The following USP1 variants were observed in gnomAD, a reference collection of about 807,000 sequenced individuals.
USP1 encodes ubiquitin carboxyl-terminal hydrolase 1.
In USP1, 18 loss-of-function variants were observed where a neutral mutation model predicts 72.2. The observed-to-expected ratio is 0.25, with a 90% CI of 0.17 to 0.37. The LOEUF (loss-of-function observed/expected upper bound fraction) is 0.37. Among genes scored for constraint, USP1 ranks in the 10% least tolerant of loss-of-function variants. The probability of loss-of-function intolerance (pLI) is 1.00; values close to 1 mark genes in which losing one functional copy is unlikely to be tolerated. For synonymous variants in USP1, 354 were observed against 303.7 expected (o/e 1.17, Z -1.72); for missense variants, 759 against 884.9 (o/e 0.86, Z 1.81).
At chr1:62,450,224 T>C (rs750262374) in intron 8 of USP1, 22 bp from the exon 9 acceptor site, 1 of 1,583,410 alleles carries the variant, frequency 6.3e-7, no homozygotes, top group East Asian at 2.2e-5. Context: ...GCAGGAAACC[T>C]TTTCTTTTTT....
chr1:62,448,229 G>A (rs1165030752), intron 7 of USP1, among the ~76,000 whole-genome samples: 2 of 152,140 alleles, frequency 1.3e-5, no homozygotes, highest in East Asian at 1.9e-4. Context: ...AAACAGACTA[G>A]GCTTATTTTG....
Position 62,437,290 on chromosome 1 carries a change from G to A in USP1, c.-180G>A, listed in dbSNP as rs901942612. Reference sequence around the variant, plus strand: ...AGGGCGAGCCGACCAGATTTTCCTGGGGCCGGGGACCCGGCGGGCTCGGGG... The same window carrying A: ...AGGGCGAGCCGACCAGATTTTCCTGAGGCCGGGGACCCGGCGGGCTCGGGG... On this transcript the variant is annotated 5_prime_UTR_variant, in exon 1 of 9. Transcript: ENST00000339950. 1.8e-5 allele frequency: 7 copies of A among 397,322 alleles called. No homozygotes were observed. Among genetic ancestry groups the A allele is most frequent in the African/African-American group, 1.0e-4 (5 of 48,714 alleles). The allele number at this position is 397,322 out of a possible 1,614,324, so 24.6% of individuals were successfully genotyped here.
At chr1:62,437,739 G>A (rs1328085960) in intron 1 of USP1, among the ~76,000 whole-genome samples, 1 of 152,234 alleles carries the variant, frequency 6.6e-6, no homozygotes, top group African/African-American at 2.4e-5. Context: ...AGCGGTGAAG[G>A]ATGGGGAGAA....
rs148563880 is a variant in USP1 at position 62,441,512 on chromosome 1, G to A, written c.195G>A (p.Gln65=). 9.1e-5 allele frequency: 146 copies of A among 1,612,946 alleles called. 2 individuals carry two copies. The East Asian group carries it at 2.5e-3, about 28-fold the overall frequency. ...SEIDQVVPAA[Q]SSPINCEKRE... ...GTGATCAAGTTGTTCCTGCAGCACA[G>A]TCTTCACCTATAAACTGTGAGAAGA... The change falls in exon 3 of 9, where the codon CAG becomes CAA. Residue 65 remains glutamine, a synonymous_variant. Transcript: ENST00000339950.
In USP1 at chr1:62,440,102, A is replaced by G. The variant is rs980455495; in HGVS notation, c.170+65A>G. The G allele has an allele frequency of 2.2e-6, 3 of 1,337,954 alleles. No individual in the cohort carries two copies. In the Admixed American group the frequency reaches 8.8e-5, roughly 39 times the overall value. The allele number at this position is 1,337,954 out of a possible 1,614,324, so 82.9% of individuals were successfully genotyped here. On this transcript the variant is annotated intron_variant, in intron 2 of 8. Transcript: ENST00000339950. Reference sequence around the variant, plus strand: ...TAAAGCAGCAGTGAACTTGGTTGACAACTCCAGTCTGACTTGATAGTCTGT... The same window carrying G: ...TAAAGCAGCAGTGAACTTGGTTGACGACTCCAGTCTGACTTGATAGTCTGT...
rs1317991593 is a variant in USP1 at position 62,441,478 on chromosome 1, T to C, written c.171-10T>C. On this transcript the variant is annotated splice_polypyrimidine_tract_variant and intron_variant, in intron 2 of 8. Coordinates refer to ENST00000339950, the MANE Select transcript of USP1 (RefSeq NM_003368.5). ...TAACTACTTATCGTTCTCCCTTCTATATTTCATAGTGATCAAGTTGTTCCT... is the reference window on the plus strand; with the variant it reads ...TAACTACTTATCGTTCTCCCTTCTACATTTCATAGTGATCAAGTTGTTCCT... 6.3e-7 allele frequency: 1 copy of C among 1,591,126 alleles called. No individual in the cohort carries two copies. The highest frequency in any genetic ancestry group is 1.9e-5 in the Admixed American group (1 of 53,848).
At chr1:62,437,661 C>T (rs1305513120) in intron 1 of USP1, among the ~76,000 whole-genome samples, 2 of 152,220 alleles carry the variant, frequency 1.3e-5, no homozygotes, top group African/African-American at 2.4e-5. Flanking sequence ...GAGGACGCCG[C>T]CGCCAGCCTC....
Position 62,439,828 on chromosome 1 carries a change from TA to T in USP1, c.-37del. On this transcript the variant is annotated 5_prime_UTR_variant, in exon 2 of 9. Coordinates refer to ENST00000339950, the MANE Select transcript of USP1 (RefSeq NM_003368.5). Reference sequence around the variant, plus strand: ...AATTGGTGATTACAACTTTCCTCTATAAATTAACTCTTGACACTCCTTGGGA... The same window carrying T: ...AATTGGTGATTACAACTTTCCTCTATAATTAACTCTTGACACTCCTTGGGA... 1 of 1,339,196 alleles carries T rather than the reference TA, an allele frequency of 7.5e-7. No individual in the cohort carries two copies. Among genetic ancestry groups the T allele is most frequent in the Non-Finnish European group, 9.7e-7 (1 of 1,034,626 alleles). 83.0% of individuals were successfully genotyped at this position (1,339,196 alleles called of 1,614,324 possible).
chr1:62,443,748 G>A (rs186256529), intron 5 of USP1, among the ~76,000 whole-genome samples: 182 of 152,268 alleles, frequency 1.2e-3, no homozygotes, highest in African/African-American at 4.0e-3. Flanking sequence ...CAAAATATGT[G>A]TAAGAACTGT....
intron 3 of USP1, 36 bp downstream of exon 3, chr1:62,441,644 G>C: frequency 1.9e-6 from 3 of 1,590,668 alleles, no homozygotes; most frequent in Non-Finnish European, 2.6e-6. Context: ...TAAAGCTTTA[G>C]TAGGCAAAGA....
At chr1:62,446,958 G>A (rs533492643) in intron 6 of USP1, among the ~76,000 whole-genome samples, 69 of 152,192 alleles carry the variant, frequency 4.5e-4, no homozygotes, top group Non-Finnish European at 8.8e-5. Context: ...GTGATTACAG[G>A]CATGCACCAC....
chr1:62,448,323 T>C (rs1645190687), intron 7 of USP1, 142 bp from the exon 8 acceptor site: 1 of 789,334 alleles, frequency 1.3e-6, no homozygotes, highest in South Asian at 1.9e-5. Flanking sequence ...ATGAAAGTAG[T>C]TTCTGAAAGT....
Position 62,450,927 on chromosome 1 carries a change from C to T in USP1, c.2304C>T (p.Ser768=), listed in dbSNP as rs779787696. 18 of 1,612,230 alleles carry T rather than the reference C, an allele frequency of 1.1e-5. No individual in the cohort carries two copies. In the South Asian group the frequency reaches 1.7e-4, roughly 15 times the overall value. Residue 768 remains serine, a synonymous_variant, in exon 9 of 9, where the codon TCC becomes TCT. Transcript: ENST00000339950. The stretch of plus-strand genomic sequence containing the variant: ...AGAAGGACTTTCTGAATTCTCTTTC[C>T]CCTTCTACATCTCCTACTTCTACTC... The part of the protein sequence containing the change: ...TEEKDFLNSL[S]PSTSPTSTPY...
chr1:62,450,627 T>A lies in USP1; in HGVS notation c.2004T>A (p.Leu668=). 6.2e-7 allele frequency: 1 copy of A among 1,614,114 alleles called. No homozygotes were observed. Among genetic ancestry groups the A allele is most frequent in the Middle Eastern group, 1.7e-4 (1 of 6,058 alleles). Residue 668 remains leucine, a synonymous_variant, in exon 9 of 9, where the codon CTT becomes CTA. Coordinates refer to ENST00000339950, the MANE Select transcript of USP1 (RefSeq NM_003368.5). ...LNKKNVEAIG[L]LGGQKSKADY... The stretch of plus-strand genomic sequence containing the variant: ...AAAAAAATGTAGAAGCTATTGGACT[T>A]CTTGGAGGACAAAAGAGCAAAGCAG...
intron 2 of USP1, among the ~76,000 whole-genome samples, chr1:62,440,881 C>A (rs1645130035): frequency 6.6e-6 from 1 of 151,938 alleles, no homozygotes; most frequent in Non-Finnish European, 1.5e-5. Context: ...GAGATGGGGT[C>A]TCCTTGTGTT....
Position 62,443,145 on chromosome 1 carries a change from TTC to T in USP1, c.397-12_397-11del. ...TTCATAAAATTATTGGTTTGTGTGT[TTC>T]TTTCTTGACAGGGAAATTGCAAAGA... is the stretch of plus-strand genomic sequence containing the variant. On this transcript the variant is annotated splice_polypyrimidine_tract_variant and intron_variant, in intron 4 of 8. Coordinates refer to ENST00000339950, the MANE Select transcript of USP1 (RefSeq NM_003368.5). 6.2e-7 allele frequency: 1 copy of T among 1,605,580 alleles called. No homozygotes were observed. The highest frequency in any genetic ancestry group is 8.5e-7 in the Non-Finnish European group (1 of 1,177,042).
chr1:62,451,042 A>G lies in USP1; in HGVS notation c.*61A>G. On this transcript the variant is annotated 3_prime_UTR_variant, in exon 9 of 9. Transcript: ENST00000339950. ...ACCCATACAAACATTGGTAAAGTTG[A>G]TTACATCAAAGAATCTTTAGCTTAT... 6.9e-7 allele frequency: 1 copy of G among 1,439,744 alleles called. No individual in the cohort carries two copies. The highest frequency in any genetic ancestry group is 9.2e-7 in the Non-Finnish European group (1 of 1,083,892). The allele number at this position is 1,439,744 out of a possible 1,614,324, so 89.2% of individuals were successfully genotyped here.
At position 62,445,016 on chromosome 1, in the gene USP1, A is replaced by T. The variant is rs2149206170; in HGVS notation, c.836A>T (p.Asn279Ile). 6.2e-7 allele frequency: 1 copy of T among 1,613,258 alleles called. No homozygotes were observed. The highest frequency in any genetic ancestry group is 1.1e-5 in the South Asian group (1 of 90,920). ...AGAAAAAGTGACACTGAATTTGGTA[A>T]CATGAAGAAAAAAGTTAAATTATCC... The part of the protein sequence containing the change: ...GKRKSDTEFG[N>I]MKKKVKLSKE... Residue 279 changes from asparagine (N) to isoleucine (I), a missense_variant, in exon 6 of 9, where the codon AAC (asparagine) becomes ATC (isoleucine). Asn to Ile is a moderately radical substitution (Grantham distance 149). This residue lies in a region of USP1 where 245 missense variants were observed against 240.7 expected (regional missense o/e 1.02). Coordinates refer to ENST00000339950, the MANE Select transcript of USP1 (RefSeq NM_003368.5).
rs1645145012 is a variant in USP1 at position 62,443,143 on chromosome 1, GTTTC to G, written c.397-9_397-6del. The stretch of plus-strand genomic sequence containing the variant: ...TGTTCATAAAATTATTGGTTTGTGT[GTTTC>G]TTTCTTGACAGGGAAATTGCAAAGA... On this transcript the variant is annotated splice_polypyrimidine_tract_variant and intron_variant, in intron 4 of 8. Transcript: ENST00000339950. The G allele has an allele frequency of 1.2e-6, 2 of 1,605,140 alleles. No individual in the cohort carries two copies. The highest frequency in any genetic ancestry group is 1.7e-6 in the Non-Finnish European group (2 of 1,176,648).
Sources: allele counts gnomAD v4.1 joint callset (sites outside exome capture counted in the v4.1 genomes callset), GRCh38; gene constraint gnomAD v4.1.1; regional missense constraint gnomAD v4.1.1; transcripts MANE v1.5; gene names NCBI Gene and HGNC (gene_info 2026-07-23, HGNC 2026-07-21).